Variants in PRKN observed in about 807,000 individuals in gnomAD.
The protein encoded by PRKN is E3 ubiquitin-protein ligase parkin.
In PRKN, 56 loss-of-function variants were observed where a neutral mutation model predicts 59.5. The ratio of observed to expected loss-of-function variants is 0.94; its 90% confidence interval spans 0.76 to 1.18. The LOEUF (loss-of-function observed/expected upper bound fraction) is 1.18. Among genes scored for constraint, PRKN ranks in the 50% most tolerant of loss-of-function variants. PRKN has a pLI of 0.00. For missense variants in PRKN, 657 were observed against 596.4 expected (o/e 1.10, Z -1.06); for synonymous variants, 250 against 222.1 (o/e 1.13, Z -1.12).
In PRKN at chr6:161,869,592, C is replaced by A. The variant is rs924038683; in HGVS notation, c.735-83684G>T. Among the ~76,000 whole-genome samples the A allele has an allele frequency of 1.3e-5, 2 of 152,204 alleles. 1 individual carries two copies. Among genetic ancestry groups the A allele is most frequent in the South Asian group, 4.2e-4 (2 of 4,810 alleles). ...GCATCACCTAGAAGCCACATCACCC[C>A]GCTTCAACTCAGACTCTGCTGTTTC... is the stretch of plus-strand genomic sequence containing the variant. On this transcript the variant is annotated intron_variant, in intron 6 of 11. Coordinates refer to ENST00000366898, the MANE Select transcript of PRKN (RefSeq NM_004562.3).
chr6:162,266,235 A>G (rs962940107), intron 2 of PRKN, among the ~76,000 whole-genome samples: 1 of 151,898 alleles, frequency 6.6e-6, no homozygotes, highest in African/African-American at 2.4e-5. Flanking sequence ...GAATCTAAAA[A>G]TCTTTGCTTA....
rs567371379 is a variant in PRKN at position 161,437,319 on chromosome 6, C to A, written c.1084-50442G>T. ...ACTTCTGGGCGCGTGGTGTCTACAG[C>A]GTGGAGATGCCAGACAAAGGGAGGA... On this transcript the variant is annotated intron_variant, in intron 9 of 11. Coordinates refer to ENST00000366898, the MANE Select transcript of PRKN (RefSeq NM_004562.3). Among the ~76,000 whole-genome samples the A allele has an allele frequency of 3.3e-5, 5 of 152,232 alleles. No individual in the cohort carries two copies. The East Asian group carries it at 9.7e-4, about 29-fold the overall frequency.
chr6:162,173,959 C>T (rs765199584), intron 4 of PRKN, among the ~76,000 whole-genome samples: 12 of 152,120 alleles, frequency 7.9e-5, no homozygotes, highest in East Asian at 1.9e-4. Context: ...GGAAATAAGA[C>T]GTGTTTATAG....
chr6:162,337,720 T>C (rs1783908293), intron 2 of PRKN, among the ~76,000 whole-genome samples: 1 of 152,046 alleles, frequency 6.6e-6, no homozygotes, highest in East Asian at 1.9e-4. Flanking sequence ...CTGGGTCTAA[T>C]AACAGAAGCT....
rs114928122 is a variant in PRKN, at chr6:161,549,209, C to T, written c.934-206G>A. Among the ~76,000 whole-genome samples, 1 of 152,142 alleles carries T rather than the reference C, an allele frequency of 6.6e-6. No individual in the cohort carries two copies. The highest frequency in any genetic ancestry group is 2.4e-5 in the African/African-American group (1 of 41,504). On this transcript the variant is annotated intron_variant, in intron 8 of 11. Transcript: ENST00000366898. The surrounding 1 kb of genome is among the most constrained non-coding windows in gnomAD (Gnocchi z 6.0). ...TATGGTTCAATGCAGTAAAAGTCTA[C>T]CAAATTCAACTGGCAAGACATATAA...
intron 3 of PRKN, among the ~76,000 whole-genome samples, chr6:162,205,919 T>C (rs1784915959): frequency 6.6e-6 from 1 of 151,946 alleles, no homozygotes; most frequent in Non-Finnish European, 1.5e-5. Context: ...AAGAAGAGAA[T>C]AAAAACCACT....
intron 7 of PRKN, among the ~76,000 whole-genome samples, chr6:161,609,666 T>C (rs1028207740): frequency 6.6e-6 from 1 of 152,160 alleles, no homozygotes; most frequent in African/African-American, 2.4e-5. Context: ...AGAACCTGTT[T>C]TTCCCTATTC....
chr6:161,368,534 G>A (rs1159661833), intron 10 of PRKN, among the ~76,000 whole-genome samples: 3 of 151,180 alleles, frequency 2.0e-5, no homozygotes, highest in South Asian at 2.1e-4. Context: ...CAGACTAGGC[G>A]ACAGGGCAAG....
rs191115247 is a variant in PRKN, at chr6:162,407,460, T to C, written c.171+35850A>G. Among the ~76,000 whole-genome samples, 31 of 152,328 alleles carry C rather than the reference T, an allele frequency of 2.0e-4. No individual in the cohort carries two copies. The East Asian group carries it at 5.4e-3, about 27-fold the overall frequency. ...TGTGCTGATATGTTATCATTGCAAA[T>C]GTCAAGTTCATTGTAGCAGATGTGT... On this transcript the variant is annotated intron_variant, in intron 2 of 11. Transcript: ENST00000366898.
chr6:162,077,702 T>G (rs1778885486), intron 4 of PRKN, among the ~76,000 whole-genome samples: 1 of 152,014 alleles, frequency 6.6e-6, no homozygotes, highest in Admixed American at 6.6e-5. Context: ...CTTTAAAATG[T>G]TTATTTTTTA....
In PRKN at chr6:161,352,771, A is replaced by ATATATATATATTTTTT. The variant is rs34279714; in HGVS notation, c.1286-2561_1286-2560insAAAAAATATATATATA. On this transcript the variant is annotated intron_variant, in intron 11 of 11. Transcript: ENST00000366898. This position sits in a 1 kb window ranked among gnomAD's most constrained non-coding sequence, Gnocchi z 5.8. ...TGTGTGTGTGTATATATATATATAT[A>ATATATATATATTTTTT]TTTTATTTTATTTTATTTTATTTTT... Among the ~76,000 whole-genome samples the ATATATATATATTTTTT allele has an allele frequency of 4.3e-5, 5 of 116,890 alleles. No homozygotes were observed. Among genetic ancestry groups the ATATATATATATTTTTT allele is most frequent in the South Asian group, 2.5e-4 (1 of 3,982 alleles). 76.7% of individuals were successfully genotyped at this position (116,890 alleles called of 152,430 possible).
At chr6:162,423,613 T>C (rs1298461060) in intron 2 of PRKN, among the ~76,000 whole-genome samples, 2 of 152,172 alleles carry the variant, frequency 1.3e-5, no homozygotes, top group South Asian at 2.1e-4. Flanking sequence ...ATCTGTGGTA[T>C]CTTTGCAGTT....
At chr6:161,909,733 G>A (rs1778283980) in intron 6 of PRKN, among the ~76,000 whole-genome samples, 1 of 152,146 alleles carries the variant, frequency 6.6e-6, no homozygotes, top group Admixed American at 6.5e-5. Flanking sequence ...AGGTGCTCTT[G>A]AGGCCCAAAG....
Position 161,469,610 on chromosome 6 carries a change from C to A in PRKN, c.1083+79244G>T, listed in dbSNP as rs143945165. Among the ~76,000 whole-genome samples, 308 of 151,616 alleles carry A rather than the reference C, an allele frequency of 2.0e-3. 2 individuals are homozygous for A. Among genetic ancestry groups the A allele is most frequent in the Middle Eastern group, 6.8e-3 (2 of 292 alleles). ...AAGAGAAAGAGAGAGAGATTGAAAC[C>A]TGAAGGTTACTTTGCTGGTTTTGAA... On this transcript the variant is annotated intron_variant, in intron 9 of 11. Transcript: ENST00000366898.
At chr6:161,580,208 T>C (rs936379302) in intron 7 of PRKN, among the ~76,000 whole-genome samples, 4 of 152,210 alleles carry the variant, frequency 2.6e-5, no homozygotes, top group African/African-American at 9.7e-5. Flanking sequence ...TTAGTAATTA[T>C]TCTTTATTTT....
intron 6 of PRKN, among the ~76,000 whole-genome samples, chr6:161,899,882 G>A (rs1777819262): frequency 6.6e-6 from 1 of 152,130 alleles, no homozygotes; most frequent in South Asian, 2.1e-4. Context: ...CAGCACTTTG[G>A]GAGGCCGAGG....
intron 3 of PRKN, among the ~76,000 whole-genome samples, chr6:162,207,940 G>A (rs1785023367): frequency 1.3e-5 from 2 of 152,166 alleles, no homozygotes; most frequent in Non-Finnish European, 2.9e-5. Flanking sequence ...ATGCAGCCAT[G>A]ATCATTCAAT....
chr6:161,400,199 G>GTTCA lies in PRKN; in HGVS notation c.1084-13326_1084-13323dup, dbSNP rs1425298125. Among the ~76,000 whole-genome samples, 1 of 152,028 alleles carries GTTCA rather than the reference G, an allele frequency of 6.6e-6. No individual in the cohort carries two copies. Among genetic ancestry groups the GTTCA allele is most frequent in the Non-Finnish European group, 1.5e-5 (1 of 68,008 alleles). ...CTGAGGACTCCTTGCACGATGCAGA[G>GTTCA]TTCAGTTAAGGGTCCACAGAACAAA... On this transcript the variant is annotated intron_variant, in intron 9 of 11. Transcript: ENST00000366898. The surrounding 1 kb of genome is among the most constrained non-coding windows in gnomAD (Gnocchi z 4.2).
chr6:162,204,510 G>T (rs1240262606), intron 3 of PRKN, among the ~76,000 whole-genome samples: 2 of 152,218 alleles, frequency 1.3e-5, no homozygotes, highest in African/African-American at 2.4e-5. Context: ...CACTTGTAGG[G>T]CTTGATTTAT....
Sources: gnomAD v4.1 joint callset for allele counts (sites outside exome capture counted in the v4.1 genomes callset) on GRCh38, gnomAD v4.1.1 for gene constraint, Gnocchi (gnomAD v3.1) non-coding constraint, MANE v1.5 for transcripts, NCBI Gene and HGNC (gene_info 2026-07-23, HGNC 2026-07-21) for gene names.